The following FSTL5 variants were observed in gnomAD, a reference collection of about 807,000 sequenced individuals.
FSTL5 encodes follistatin like 5.
FSTL5 carries 62 observed loss-of-function variants against 89.1 expected under a neutral mutation model. That is an observed-to-expected ratio of 0.70 (90% CI 0.57 to 0.86). The LOEUF (loss-of-function observed/expected upper bound fraction) is 0.86. FSTL5 is among the 40% of genes least tolerant of loss of function. FSTL5 has a pLI of 0.00. For synonymous variants in FSTL5, 383 were observed against 346.2 expected, an observed-to-expected ratio of 1.11 and a Z score of -1.18; for missense variants, 1,057 against 1,001.6, an observed-to-expected ratio of 1.06 and a Z score of -0.75.
chr4:161,823,265 T>C (rs1730551105), intron 4 of FSTL5, among the ~76,000 whole-genome samples: 1 of 152,112 alleles, frequency 6.6e-6, no homozygotes, highest in Non-Finnish European at 1.5e-5. Flanking sequence ...AAGAGCTTGA[T>C]GGCTTCCTGG....
intron 2 of FSTL5, among the ~76,000 whole-genome samples, chr4:162,097,152 G>A (rs993195349): frequency 4.0e-5 from 6 of 151,748 alleles, no homozygotes; most frequent in Admixed American, 3.3e-4. Context: ...AATCTTCTCA[G>A]AGAAATGAGT....
At chr4:161,887,354 T>C (rs986329888) in intron 4 of FSTL5, among the ~76,000 whole-genome samples, 10 of 152,088 alleles carry the variant, frequency 6.6e-5, no homozygotes, top group African/African-American at 2.2e-4. Flanking sequence ...TAATTCTCTA[T>C]TGTTTCTGAA....
chr4:161,572,050 C>T (rs1468933937), intron 8 of FSTL5, among the ~76,000 whole-genome samples: 1 of 152,054 alleles, frequency 6.6e-6, no homozygotes, highest in Non-Finnish European at 1.5e-5. Flanking sequence ...TGGCTCGCAC[C>T]TGTAATTCCA....
At chr4:161,899,593 C>A (rs12507984) in intron 4 of FSTL5, among the ~76,000 whole-genome samples, 133,116 of 152,152 alleles carry the variant, frequency 0.87, 59,286 homozygotes, top group Non-Finnish European at 0.96. Flanking sequence ...TTATTTACTG[C>A]ATATCTACTA....
intron 4 of FSTL5, among the ~76,000 whole-genome samples, chr4:161,812,499 C>T (rs1730182468): frequency 8.3e-6 from 1 of 120,498 alleles, no homozygotes; most frequent in Non-Finnish European, 1.7e-5. Context: ...TCTCAATAGC[C>T]CATCTGTAGT....
intron 10 of FSTL5, among the ~76,000 whole-genome samples, chr4:161,531,481 TG>T: frequency 6.6e-6 from 1 of 152,156 alleles, no homozygotes; most frequent in Non-Finnish European, 1.5e-5. Flanking sequence ...GTTGTCTACA[TG>T]GGATTCAATA....
chr4:161,525,964 GT>G (rs1459956051), intron 10 of FSTL5, among the ~76,000 whole-genome samples: 1 of 151,972 alleles, frequency 6.6e-6, no homozygotes, highest in Non-Finnish European at 1.5e-5. Flanking sequence ...ATTTTTCCTT[GT>G]CTTTGAAATG....
chr4:161,999,474 A>G (rs1395302360), intron 3 of FSTL5, among the ~76,000 whole-genome samples: 1 of 152,178 alleles, frequency 6.6e-6, no homozygotes, highest in African/African-American at 2.4e-5. Flanking sequence ...AAAAATTCAT[A>G]TTAATTGATC....
intron 6 of FSTL5, among the ~76,000 whole-genome samples, chr4:161,703,489 T>C (rs1460289979): frequency 1.3e-5 from 2 of 152,152 alleles, no homozygotes; most frequent in Non-Finnish European, 2.9e-5. Flanking sequence ...ACCCTTGAGC[T>C]CAGGTAAATC....
At chr4:161,527,002 G>A (rs1731244731) in intron 10 of FSTL5, among the ~76,000 whole-genome samples, 1 of 152,068 alleles carries the variant, frequency 6.6e-6, no homozygotes, top group African/African-American at 2.4e-5. Context: ...GCTTGATGGG[G>A]ATGGCATTGA....
chr4:161,877,277 T>C (rs956667518), intron 4 of FSTL5, among the ~76,000 whole-genome samples: 4 of 150,816 alleles, frequency 2.7e-5, no homozygotes, highest in African/African-American at 7.3e-5. Context: ...TATAGTAGAA[T>C]ATGGTATACT....
At chr4:161,439,508 A>G (rs1214399341) in intron 15 of FSTL5, among the ~76,000 whole-genome samples, 1 of 152,232 alleles carries the variant, frequency 6.6e-6, no homozygotes, top group Admixed American at 6.5e-5. Flanking sequence ...ATAGACTGCT[A>G]TGATTAATAT....
chr4:161,663,502 C>G (rs376279033), intron 6 of FSTL5, among the ~76,000 whole-genome samples: 5 of 152,182 alleles, frequency 3.3e-5, no homozygotes, highest in African/African-American at 1.2e-4. Flanking sequence ...TCTCCTTTGA[C>G]TCCAGGTCTC....
At chr4:161,616,616 A>G (rs1376930534) in intron 7 of FSTL5, among the ~76,000 whole-genome samples, 1 of 152,028 alleles carries the variant, frequency 6.6e-6, no homozygotes, top group Non-Finnish European at 1.5e-5. Context: ...CCCTTTATAT[A>G]TGCATCAATC....
chr4:161,417,509 T>C (rs1384416835), intron 15 of FSTL5, among the ~76,000 whole-genome samples: 1 of 152,248 alleles, frequency 6.6e-6, no homozygotes, highest in Non-Finnish European at 1.5e-5. Flanking sequence ...TAGTGTGCTG[T>C]TTAAAAACCA....
intron 6 of FSTL5, among the ~76,000 whole-genome samples, chr4:161,669,151 AAAAT>A (rs371057731): frequency 4.6e-5 from 7 of 151,040 alleles, no homozygotes; most frequent in Admixed American, 3.3e-4. Context: ...AAGAAAAAGA[AAAAT>A]AAATAAATAA....
chr4:161,902,797 C>T lies in FSTL5; in HGVS notation c.409+17607G>A, dbSNP rs867268284. ...CCGGGAGGCGGAGCTTGCAGTGAGCCGAGATCGCGCCACTGCACTCCAGCC... is the reference window on the plus strand; with the variant it reads ...CCGGGAGGCGGAGCTTGCAGTGAGCTGAGATCGCGCCACTGCACTCCAGCC... On this transcript the variant is annotated intron_variant, in intron 4 of 15. Transcript: ENST00000306100. 2.0e-5 allele frequency among the ~76,000 whole-genome samples: 3 copies of T among 152,082 alleles called. No homozygotes were observed. The Middle Eastern group carries it at 0.01, about 517-fold the overall frequency.
rs572837679 is a variant in FSTL5, at chr4:161,587,721, C to A, written c.895-146G>T. 7 of 534,320 alleles carry A rather than the reference C, an allele frequency of 1.3e-5. No homozygotes were observed. In the Admixed American group the frequency reaches 2.2e-4, roughly 17 times the overall value. 33.1% of individuals were successfully genotyped at this position (534,320 alleles called of 1,614,324 possible). ...AAATGAGCATTGTTGGGTGTATAAG[C>A]GTAAAGGATCTGTAATTATAATTTT... On this transcript the variant is annotated intron_variant, in intron 7 of 15. Coordinates refer to ENST00000306100, the MANE Select transcript of FSTL5 (RefSeq NM_020116.5).
At chr4:161,595,741 G>A (rs1359783404) in intron 7 of FSTL5, among the ~76,000 whole-genome samples, 1 of 151,840 alleles carries the variant, frequency 6.6e-6, no homozygotes, top group Non-Finnish European at 1.5e-5. Context: ...TGAATTTCTG[G>A]CCTATATTTA....
Sources: allele counts gnomAD v4.1 joint callset (sites outside exome capture counted in the v4.1 genomes callset), GRCh38; gene constraint gnomAD v4.1.1; transcripts MANE v1.5; gene names NCBI Gene and HGNC (gene_info 2026-07-23, HGNC 2026-07-21).